ARHGAP20: variants seen among roughly 807,000 people sequenced by gnomAD.
The protein encoded by ARHGAP20 is Rho GTPase activating protein 20, also known as rho GTPase-activating protein 20.
ARHGAP20 carries 34 observed loss-of-function variants against 73.7 expected under a neutral mutation model. That is an observed-to-expected ratio of 0.46 (90% confidence interval 0.35 to 0.61). The LOEUF is 0.61. Ranked by LOEUF, ARHGAP20 falls within the 20% of genes least tolerant of loss-of-function variation. The probability of loss-of-function intolerance (pLI) is 0.00; values close to 1 mark genes in which losing one functional copy is unlikely to be tolerated. For synonymous variants in ARHGAP20, 523 were observed against 518.2 expected, an observed-to-expected ratio of 1.01 and a Z score of -0.13; for missense variants, 1,314 against 1,420.9, an observed-to-expected ratio of 0.92 and a Z score of 1.21.
At chr11:110,639,690 C>A (rs1949041745) in intron 2 of ARHGAP20, among the ~76,000 whole-genome samples, 1 of 152,008 alleles carries the variant, frequency 6.6e-6, no homozygotes. Flanking sequence ...CATGTAATAT[C>A]TATCCTTTCA....
intron 6 of ARHGAP20, among the ~76,000 whole-genome samples, 178 bp downstream of exon 6, chr11:110,614,383 T>C (rs1181248642): frequency 6.6e-6 from 1 of 152,222 alleles, no homozygotes; most frequent in East Asian, 1.9e-4. Context: ...TTCATATATA[T>C]GAAGACATAC....
chr11:110,674,584 T>A (rs1170331234), intron 2 of ARHGAP20, among the ~76,000 whole-genome samples: 1 of 152,184 alleles, frequency 6.6e-6, no homozygotes, highest in Non-Finnish European at 1.5e-5. Context: ...AAGGCATATA[T>A]AAAACATAAA....
intron 2 of ARHGAP20, among the ~76,000 whole-genome samples, chr11:110,685,589 T>C (rs1591176447): frequency 6.9e-6 from 1 of 144,832 alleles, no homozygotes; most frequent in Non-Finnish European, 1.5e-5. Context: ...AACACATAAA[T>C]ACAGTTAACT....
intron 2 of ARHGAP20, among the ~76,000 whole-genome samples, chr11:110,641,243 A>G (rs1014334481): frequency 6.6e-6 from 1 of 152,074 alleles, no homozygotes; most frequent in African/African-American, 2.4e-5. Flanking sequence ...ACAGAATAGA[A>G]GGAGAGAGTG....
chr11:110,684,092 A>C (rs188857851), intron 2 of ARHGAP20, among the ~76,000 whole-genome samples: 1 of 152,194 alleles, frequency 6.6e-6, no homozygotes, highest in Non-Finnish European at 1.5e-5. Context: ...AACTATGAAC[A>C]ATAAATGTCT....
chr11:110,589,739 TAA>T, intron 11 of ARHGAP20: 3 of 972,632 alleles, frequency 3.1e-6, no homozygotes, highest in Non-Finnish European at 3.7e-6. Context: ...TAACAATGGG[TAA>T]AGTGTAAGAA....
At chr11:110,706,571 C>T (rs914070743) in intron 1 of ARHGAP20, among the ~76,000 whole-genome samples, 1 of 152,038 alleles carries the variant, frequency 6.6e-6, no homozygotes, top group Admixed American at 6.5e-5. Context: ...TTTTTAAACT[C>T]AAACTCCTTT....
intron 1 of ARHGAP20, among the ~76,000 whole-genome samples, chr11:110,692,018 C>T (rs1009355275): frequency 6.6e-6 from 1 of 152,136 alleles, no homozygotes; most frequent in Non-Finnish European, 1.5e-5. Context: ...TCTAGAGAAA[C>T]AGCCCGGAGT....
intron 2 of ARHGAP20, among the ~76,000 whole-genome samples, chr11:110,647,663 TA>T (rs1949226532): frequency 6.6e-6 from 1 of 152,030 alleles, no homozygotes; most frequent in Non-Finnish European, 1.5e-5. Flanking sequence ...GTTAAAAAGA[TA>T]AAAAATAGAA....
Position 110,579,572 on chromosome 11 carries a change from G to A in ARHGAP20, c.3374C>T (p.Pro1125Leu). 7 of 1,613,836 alleles carry A rather than the reference G, an allele frequency of 4.3e-6. No homozygotes were observed. Among genetic ancestry groups the A allele is most frequent in the Non-Finnish European group, 5.9e-6 (7 of 1,179,744 alleles). Reference sequence around the variant, plus strand: ...AAGTCTGCTCTCCACCAGGCTGAATGGAGAGCTACAGTGTCTCTCTGAGTC... The same window carrying A: ...AAGTCTGCTCTCCACCAGGCTGAATAGAGAGCTACAGTGTCTCTCTGAGTC... ...FQDSERHCSSPFSLVESRLKL... is the reference protein window; with the variant it reads ...FQDSERHCSSLFSLVESRLKL... The change falls in exon 15 of 15, where the codon CCA becomes CTA. Residue 1125 changes from proline (P) to leucine (L), a missense_variant. Around this residue, in one of 3 missense-constraint regions of ARHGAP20, gnomAD observed 641 missense variants for 636.9 expected, o/e 1.01. Coordinates refer to ENST00000683387, the MANE Select transcript of ARHGAP20 (RefSeq NM_001384657.1).
rs113247068 is a variant in ARHGAP20 at position 110,580,696 on chromosome 11, C to T, written c.2250G>A (p.Gln750=). 4,163 of 1,613,914 alleles carry T rather than the reference C, an allele frequency of 2.6e-3. 66 individuals are homozygous for T. In the African/African-American group the frequency reaches 0.035, roughly 14 times the overall value. ...EDYLKQNQPL[Q]EEGKTCFKQS... The stretch of plus-strand genomic sequence containing the variant: ...GTTTAAAACATGTCTTTCCTTCCTC[C>T]TGGAGGGGTTGATTCTGCTTCAGAT... The change falls in exon 15 of 15, where the codon CAG becomes CAA. Residue 750 remains glutamine, a synonymous_variant. Coordinates refer to ENST00000683387, the MANE Select transcript of ARHGAP20 (RefSeq NM_001384657.1).
At chr11:110,700,503 A>G (rs975690212) in intron 1 of ARHGAP20, among the ~76,000 whole-genome samples, 15 of 152,168 alleles carry the variant, frequency 9.9e-5, no homozygotes, top group Non-Finnish European at 1.5e-4. Flanking sequence ...GTGGAGACGT[A>G]TCCAAGCCAC....
rs1287399846 is a variant in ARHGAP20 at position 110,593,164 on chromosome 11, TA to T, written c.965-1010del. On this transcript the variant is annotated intron_variant, in intron 9 of 14. Transcript: ENST00000683387. ...TAGTGAGTACTCACTAAATTGTTAT[TA>T]AACAATAATTGAAATTGAGGAGGGA... 3.3e-5 allele frequency among the ~76,000 whole-genome samples: 5 copies of T among 152,022 alleles called. No homozygotes were observed. The East Asian group carries it at 9.6e-4, about 29-fold the overall frequency.
chr11:110,649,966 C>T (rs1476401355), intron 2 of ARHGAP20, among the ~76,000 whole-genome samples: 1 of 151,960 alleles, frequency 6.6e-6, no homozygotes, highest in African/African-American at 2.4e-5. Flanking sequence ...TTTAAATTAC[C>T]TACATTTCTT....
In ARHGAP20 at chr11:110,644,417, C is replaced by T. The variant is rs143006291; in HGVS notation, c.189-13625G>A. 5.3e-4 allele frequency among the ~76,000 whole-genome samples: 81 copies of T among 152,038 alleles called. 1 individual carries two copies. The highest frequency in any genetic ancestry group is 1.9e-3 in the African/African-American group (77 of 41,518). On this transcript the variant is annotated intron_variant, in intron 2 of 14. Transcript: ENST00000683387. Reference sequence around the variant, plus strand: ...CTGACTTCAAACCATACTACAAGATCGCAATAACCAAAACAGCATGGTACT... The same window carrying T: ...CTGACTTCAAACCATACTACAAGATTGCAATAACCAAAACAGCATGGTACT...
chr11:110,672,690 A>C (rs1432628311), intron 2 of ARHGAP20, among the ~76,000 whole-genome samples: 1 of 152,194 alleles, frequency 6.6e-6, no homozygotes, highest in African/African-American at 2.4e-5. Context: ...TGTCAAGCCA[A>C]AATGTTGGTC....
At chr11:110,591,313 G>A (rs942742362) in intron 10 of ARHGAP20, among the ~76,000 whole-genome samples, 1 of 152,176 alleles carries the variant, frequency 6.6e-6, no homozygotes, top group Non-Finnish European at 1.5e-5. Context: ...TTTGTAAACG[G>A]ATGAGATGAT....
chr11:110,623,062 G>C (rs1262067023), intron 4 of ARHGAP20, among the ~76,000 whole-genome samples: 1 of 152,028 alleles, frequency 6.6e-6, no homozygotes, highest in African/African-American at 2.4e-5. Context: ...AAAATATCTA[G>C]AGAAATCTGT....
chr11:110,699,754 T>C (rs967027352), intron 1 of ARHGAP20, among the ~76,000 whole-genome samples: 1 of 151,980 alleles, frequency 6.6e-6, no homozygotes, highest in Non-Finnish European at 1.5e-5. Context: ...ATATCTTTTC[T>C]TACCCACTTA....
Sources: gnomAD v4.1 joint callset for allele counts (sites outside exome capture counted in the v4.1 genomes callset) on GRCh38, gnomAD v4.1.1 for gene constraint, gnomAD v4.1.1 regional missense constraint, MANE v1.5 for transcripts, NCBI Gene and HGNC (gene_info 2026-07-23, HGNC 2026-07-21) for gene names.